CLTC: variants seen among roughly 807,000 people sequenced by gnomAD.
The protein encoded by CLTC is clathrin heavy chain 1.
In CLTC, 16 loss-of-function variants were observed where a neutral mutation model predicts 195.8. The ratio of observed to expected loss-of-function variants is 0.08; its 90% CI spans 0.06 to 0.12. The LOEUF is 0.12. Ranked by LOEUF, CLTC falls within the 10% of genes least tolerant of loss-of-function variation. The pLI is 1.00. For missense variants in CLTC, 796 were observed against 2,027.0 expected, an observed-to-expected ratio of 0.39 and a Z score of 11.66; for synonymous variants, 667 against 689.4, an observed-to-expected ratio of 0.97 and a Z score of 0.51.
rs747787330 is a variant in CLTC at position 59,666,129 on chromosome 17, T to C, written c.1671T>C (p.Asn557=). Residue 557 remains asparagine (N), a synonymous_variant, in exon 11 of 32, where the codon AAT becomes AAC. Transcript: ENST00000269122. This position sits in a 1 kb window ranked among gnomAD's most constrained non-coding sequence, Gnocchi z 4.9. The part of the protein sequence containing the change: ...TQIVDVFMEY[N]LIQQCTAFLL... ...TTGTAGATGTCTTTATGGAATACAATCTAATTCAGCAGTGTACTGCATTCT... is the reference window on the plus strand; with the variant it reads ...TTGTAGATGTCTTTATGGAATACAACCTAATTCAGCAGTGTACTGCATTCT... 3.1e-6 allele frequency: 5 copies of C among 1,611,200 alleles called. No individual in the cohort carries two copies. Among genetic ancestry groups the C allele is most frequent in the Non-Finnish European group, 4.2e-6 (5 of 1,177,602 alleles).
chr17:59,644,547 TTTG>T, intron 2 of CLTC, 64 bp downstream of exon 2: 41 of 1,144,822 alleles, frequency 3.6e-5, no homozygotes, highest in African/African-American at 9.2e-5. Flanking sequence ...TTGTTTTTTT[TTTG>T]TTTGTTTGTT....
At chr17:59,676,145 G>A (rs1328912889) in intron 16 of CLTC, among the ~76,000 whole-genome samples, 2 of 152,108 alleles carry the variant, frequency 1.3e-5, no homozygotes, top group African/African-American at 2.4e-5. Flanking sequence ...GGTCAGGGCC[G>A]CAGTGAGCCC....
chr17:59,667,041 T>C, intron 13 of CLTC, 64 bp downstream of exon 13: 1 of 1,354,804 alleles, frequency 7.4e-7, no homozygotes, highest in Non-Finnish European at 1.0e-6. Context: ...GGTATGCTTA[T>C]GATCAGGCTG....
rs556604926 is a variant in CLTC, at chr17:59,682,832, C to T, written c.3765+39C>T. ...AAGTTTGAGTGAAGAATTAAAGAAACGCTATTTAAACATTAGTTTAAATAA... is the reference window on the plus strand; with the variant it reads ...AAGTTTGAGTGAAGAATTAAAGAAATGCTATTTAAACATTAGTTTAAATAA... On this transcript the variant is annotated intron_variant, in intron 23 of 31. Coordinates refer to ENST00000269122, the MANE Select transcript of CLTC (RefSeq NM_004859.4). This position sits in a 1 kb window ranked among gnomAD's most constrained non-coding sequence, Gnocchi z 6.8. 1.2e-5 allele frequency: 20 copies of T among 1,610,592 alleles called. 1 individual carries two copies. Among genetic ancestry groups the T allele is most frequent in the South Asian group, 9.9e-5 (9 of 90,760 alleles).
rs763429392 is a variant in CLTC, at chr17:59,666,770, C to A, written c.1948-27C>A. 6.3e-7 allele frequency: 1 copy of A among 1,581,770 alleles called. No homozygotes were observed. Among genetic ancestry groups the A allele is most frequent in the Non-Finnish European group, 8.6e-7 (1 of 1,158,406 alleles). On this transcript the variant is annotated intron_variant, in intron 12 of 31. Transcript: ENST00000269122. This position sits in a 1 kb window ranked among gnomAD's most constrained non-coding sequence, Gnocchi z 4.9. ...GAGGTTCAACATTATTTCATTTATT[C>A]ATTCATTCATTTATTTTGTCTTGTA... is the stretch of plus-strand genomic sequence containing the variant.
intron 5 of CLTC, among the ~76,000 whole-genome samples, chr17:59,652,364 T>C (rs142970831): frequency 6.6e-6 from 1 of 152,296 alleles, no homozygotes; most frequent in African/African-American, 2.4e-5. Context: ...GTGAATCCTT[T>C]CCAGATTCAC....
Position 59,666,037 on chromosome 17 carries a change from G to A in CLTC, c.1645-66G>A, listed in dbSNP as rs980251225. 1.9e-5 allele frequency: 22 copies of A among 1,182,670 alleles called. No individual in the cohort carries two copies. Among genetic ancestry groups the A allele is most frequent in the Non-Finnish European group, 2.5e-5 (21 of 827,276 alleles). 73.3% of individuals were successfully genotyped at this position (1,182,670 alleles called of 1,614,324 possible). Reference sequence around the variant, plus strand: ...ATTCTCAGGTAAAGAAAGAGTTCATGCATAATTTTGTCTACATACTCTCCA... The same window carrying A: ...ATTCTCAGGTAAAGAAAGAGTTCATACATAATTTTGTCTACATACTCTCCA... On this transcript the variant is annotated intron_variant, in intron 10 of 31. Transcript: ENST00000269122. The surrounding 1 kb of genome is among the most constrained non-coding windows in gnomAD (Gnocchi z 4.9).
At chr17:59,675,900 T>G (rs2032955279) in intron 16 of CLTC, among the ~76,000 whole-genome samples, 1 of 152,246 alleles carries the variant, frequency 6.6e-6, no homozygotes, top group South Asian at 2.1e-4. Flanking sequence ...GGATTGCACA[T>G]GTTTATAGGA....
At chr17:59,626,203 C>G (rs1219025481) in intron 1 of CLTC, among the ~76,000 whole-genome samples, 4 of 152,120 alleles carry the variant, frequency 2.6e-5, no homozygotes, top group African/African-American at 9.7e-5. Flanking sequence ...GATGAGTTGG[C>G]AAAGGCTGTA....
At position 59,683,489 on chromosome 17, in the gene CLTC, C is replaced by G; in HGVS notation, c.4144C>G (p.Pro1382Ala). Residue 1382 changes from proline to alanine, a missense_variant, in exon 26 of 32, where the codon CCA becomes GCA. Around this residue, in one of 9 missense-constraint regions of CLTC, gnomAD observed 102 missense variants for 317.6 expected, o/e 0.32. Coordinates refer to ENST00000269122, the MANE Select transcript of CLTC (RefSeq NM_004859.4). This position sits in a 1 kb window ranked among gnomAD's most constrained non-coding sequence, Gnocchi z 6.1. ...TGCCATAATTACCATGATGAATCAT[C>G]CAACTGATGCCTGGAAAGAAGGGCA... is the stretch of plus-strand genomic sequence containing the variant. ...DNAIITMMNH[P>A]TDAWKEGQFK... 6.2e-7 allele frequency: 1 copy of G among 1,613,928 alleles called. No individual in the cohort carries two copies. The highest frequency in any genetic ancestry group is 1.6e-4 in the Middle Eastern group (1 of 6,062).
intron 7 of CLTC, 150 bp downstream of exon 7, chr17:59,660,738 CA>C (rs2143541451): frequency 1.3e-6 from 1 of 754,602 alleles, no homozygotes; most frequent in East Asian, 2.7e-5. Context: ...AATTCCTTGT[CA>C]ATGCCTCTAG....
chr17:59,673,863 T>C (rs1244416286), intron 15 of CLTC, 91 bp downstream of exon 15: 1 of 745,196 alleles, frequency 1.3e-6, no homozygotes, highest in African/African-American at 1.8e-5. Context: ...CTGTGCTCAA[T>C]AAGAGTGGTC....
At chr17:59,660,237 T>C (rs891835911) in intron 6 of CLTC, among the ~76,000 whole-genome samples, 154 bp from the exon 7 acceptor site, 1 of 152,210 alleles carries the variant, frequency 6.6e-6, no homozygotes, top group East Asian at 1.9e-4. Context: ...TCTCCTTGTC[T>C]TCCTTCCTTT....
Position 59,681,608 on chromosome 17 carries a change from G to T in CLTC, c.3250-39G>T. 1.3e-6 allele frequency: 2 copies of T among 1,587,298 alleles called. No homozygotes were observed. Among genetic ancestry groups the T allele is most frequent in the South Asian group, 2.3e-5 (2 of 88,000 alleles). ...AAATGTAATTGCTTTGGGTAGGATT[G>T]ATTTTACTCTAACCCTAATTTCAAA... is the stretch of plus-strand genomic sequence containing the variant. On this transcript the variant is annotated intron_variant, in intron 20 of 31. Transcript: ENST00000269122. The surrounding 1 kb of genome is among the most constrained non-coding windows in gnomAD (Gnocchi z 5.0).
chr17:59,661,321 T>C, intron 7 of CLTC, 122 bp from the exon 8 acceptor site: 1 of 719,142 alleles, frequency 1.4e-6, no homozygotes, highest in Non-Finnish European at 2.4e-6. Context: ...TCCTTTAAGA[T>C]TGACCTAAGA....
rs747304880 is a variant in CLTC at position 59,681,264 on chromosome 17, T to G, written c.3066-31T>G. On this transcript the variant is annotated intron_variant, in intron 19 of 31. Transcript: ENST00000269122. The surrounding 1 kb of genome is among the most constrained non-coding windows in gnomAD (Gnocchi z 5.0). ...TTTATGTCGGATAAACTTAAAATAT[T>G]GCATTTAAAATATTCTTTTTTTTCT... 1.3e-6 allele frequency: 2 copies of G among 1,576,864 alleles called. No homozygotes were observed. Among genetic ancestry groups the G allele is most frequent in the East Asian group, 4.5e-5 (2 of 44,350 alleles).
intron 6 of CLTC, 165 bp downstream of exon 6, chr17:59,656,192 T>C (rs1480101731): frequency 5.2e-6 from 3 of 582,034 alleles, no homozygotes; most frequent in Non-Finnish European, 8.6e-6. Context: ...TATTAGAAAA[T>C]AATATATATC....
chr17:59,666,587 C>T lies in CLTC; in HGVS notation c.1890C>T (p.Phe630=). ...AGLLQRALEH[F]TDLYDIKRAV... is the part of the protein sequence containing the mutation. ...TACTGCAGCGTGCATTAGAACATTTCACTGATTTATATGATATAAAACGTG... is the reference window on the plus strand; with the variant it reads ...TACTGCAGCGTGCATTAGAACATTTTACTGATTTATATGATATAAAACGTG... The change falls in exon 12 of 32, where the codon TTC becomes TTT. Residue 630 remains phenylalanine (F), a synonymous_variant. Coordinates refer to ENST00000269122, the MANE Select transcript of CLTC (RefSeq NM_004859.4). This position sits in a 1 kb window ranked among gnomAD's most constrained non-coding sequence, Gnocchi z 4.9. 2.5e-6 allele frequency: 4 copies of T among 1,614,072 alleles called. No homozygotes were observed. The highest frequency in any genetic ancestry group is 3.4e-6 in the Non-Finnish European group (4 of 1,179,978).
In CLTC at chr17:59,696,047, C is replaced by T. The variant is rs1367330095; in HGVS notation, c.*2195C>T. The T allele has an allele frequency of 4.8e-6, 1 of 209,866 alleles. No individual in the cohort carries two copies. Among genetic ancestry groups the T allele is most frequent in the Admixed American group, 5.9e-5 (1 of 16,928 alleles). The allele number at this position is 209,866 out of a possible 1,614,324, so 13.0% of individuals were successfully genotyped here. A position where few individuals can be genotyped will look rare whatever the true frequency, so the allele number is the denominator to read the frequency against. ...TGACAGTTACTTAGCCACCCCATGC[C>T]ATCCTGTTGGGAATGCCACTACCTT... is the stretch of plus-strand genomic sequence containing the variant. On this transcript the variant is annotated 3_prime_UTR_variant, in exon 32 of 32. Transcript: ENST00000269122.
Sources: gnomAD v4.1 joint callset for allele counts (sites outside exome capture counted in the v4.1 genomes callset) on GRCh38, gnomAD v4.1.1 for gene constraint, gnomAD v4.1.1 regional missense constraint, Gnocchi (gnomAD v3.1) non-coding constraint, MANE v1.5 for transcripts, NCBI Gene and HGNC (gene_info 2026-07-23, HGNC 2026-07-21) for gene names.